Variants in AMDHD1 observed in about 807,000 individuals in gnomAD.
The protein encoded by AMDHD1 is amidohydrolase domain containing 1, also known as probable imidazolonepropionase.
AMDHD1 carries 45 observed loss-of-function variants against 44.1 expected under a neutral mutation model. That is an observed-to-expected ratio of 1.02 (90% CI 0.80 to 1.31). AMDHD1 has a LOEUF of 1.31. Among genes scored for constraint, AMDHD1 ranks in the 50% most tolerant of loss-of-function variants. AMDHD1 has a pLI of 0.00. For synonymous variants in AMDHD1, 206 were observed against 205.0 expected, an observed-to-expected ratio of 1.00 and a Z score of -0.04; for missense variants, 586 against 552.1, an observed-to-expected ratio of 1.06 and a Z score of -0.61.
chr12:95,966,614 T>TC, intron 8 of AMDHD1, 106 bp downstream of exon 8: 1 of 1,340,208 alleles, frequency 7.5e-7, no homozygotes, highest in Non-Finnish European at 1.0e-6. Context: ...CTGTCTGGAC[T>TC]CAGACACTAT....
chr12:95,964,590 T>C (rs1295986384), intron 6 of AMDHD1, among the ~76,000 whole-genome samples: 4 of 152,086 alleles, frequency 2.6e-5, no homozygotes, highest in Non-Finnish European at 4.4e-5. Flanking sequence ...CTGTCTCTGC[T>C]TCACTCACCT....
intron 1 of AMDHD1, among the ~76,000 whole-genome samples, chr12:95,949,721 T>A (rs949225499): frequency 1.3e-5 from 2 of 152,196 alleles, no homozygotes; most frequent in African/African-American, 4.8e-5. Flanking sequence ...GTATTCGGGT[T>A]TTTTCACTTA....
chr12:95,945,211 A>G (rs1052773565), intron 1 of AMDHD1, among the ~76,000 whole-genome samples: 4 of 152,192 alleles, frequency 2.6e-5, no homozygotes, highest in African/African-American at 4.8e-5. Flanking sequence ...GACATGTTCT[A>G]TGTTCACATC....
At chr12:95,966,821 G>C (rs1016335166) in intron 8 of AMDHD1, among the ~76,000 whole-genome samples, 1 of 152,180 alleles carries the variant, frequency 6.6e-6, no homozygotes, top group African/African-American at 2.4e-5. Flanking sequence ...CTCGGCTTCT[G>C]ATTTTCAACT....
At chr12:95,956,241 T>C (rs2080548927) in intron 3 of AMDHD1, among the ~76,000 whole-genome samples, 1 of 152,210 alleles carries the variant, frequency 6.6e-6, no homozygotes, top group Admixed American at 6.5e-5. Flanking sequence ...CCAGAGTAGC[T>C]GGGGCTACAG....
intron 4 of AMDHD1, 88 bp downstream of exon 4, chr12:95,957,050 G>A: frequency 6.5e-7 from 1 of 1,541,142 alleles, no homozygotes; most frequent in Non-Finnish European, 8.8e-7. Flanking sequence ...TTTAGCTCTT[G>A]CAGGGAGATG....
chr12:95,960,363 A>T (rs1180615966), intron 4 of AMDHD1, 35 bp from the exon 5 acceptor site: 15 of 1,587,464 alleles, frequency 9.4e-6, no homozygotes, highest in Non-Finnish European at 1.3e-5. Flanking sequence ...TTTGTTTTTA[A>T]TATTTGCCCA....
Position 95,960,627 on chromosome 12 carries a change from T to A in AMDHD1, c.813+4T>A, listed in dbSNP as rs1371308253. 13 of 1,609,240 alleles carry A rather than the reference T, an allele frequency of 8.1e-6. No homozygotes were observed. Among genetic ancestry groups the A allele is most frequent in the Non-Finnish European group, 1.1e-5 (13 of 1,176,890 alleles). Reference sequence around the variant, plus strand: ...CCACCCGATGAAGGCTGCTGAGGTGTGGTTGACTTTTAGTTTTTCCCTCGT... The same window carrying A: ...CCACCCGATGAAGGCTGCTGAGGTGAGGTTGACTTTTAGTTTTTCCCTCGT... On this transcript the variant is annotated splice_donor_region_variant and intron_variant, in intron 5 of 8. Coordinates refer to ENST00000266736, the MANE Select transcript of AMDHD1 (RefSeq NM_152435.3).
chr12:95,958,533 G>T (rs916358102), intron 4 of AMDHD1, among the ~76,000 whole-genome samples: 2 of 152,078 alleles, frequency 1.3e-5, no homozygotes, highest in East Asian at 1.9e-4. Context: ...TTTTCAAACA[G>T]AATATAAAGT....
intron 6 of AMDHD1, among the ~76,000 whole-genome samples, chr12:95,964,520 G>C (rs765421784): frequency 8.5e-5 from 13 of 152,216 alleles, no homozygotes; most frequent in Non-Finnish European, 1.5e-4. Context: ...TTATGGAAGG[G>C]GGGGAGGGCC....
At chr12:95,959,583 T>G (rs2080569208) in intron 4 of AMDHD1, among the ~76,000 whole-genome samples, 1 of 151,328 alleles carries the variant, frequency 6.6e-6, no homozygotes, top group East Asian at 2.0e-4. Flanking sequence ...TCCACCAGAA[T>G]TTTAGAGAGA....
intron 1 of AMDHD1, among the ~76,000 whole-genome samples, chr12:95,947,641 CCCGGCCAGCCGCCCCGT>C (rs1388776427): frequency 1.7e-5 from 1 of 58,952 alleles, no homozygotes; most frequent in Non-Finnish European, 3.0e-5. Context: ...CAGCCCCCCG[CCCGGCCAGCCGCCCCGT>C]CCGGGAGGTG....
chr12:95,946,061 C>CTG (rs56658923), intron 1 of AMDHD1, among the ~76,000 whole-genome samples: 3,528 of 122,544 alleles, frequency 0.029, 109 homozygotes, highest in African/African-American at 0.075. Context: ...CTCTTTCTCT[C>CTG]TGTGTGTGTG....
At chr12:95,949,441 C>T (rs1351046095) in intron 1 of AMDHD1, among the ~76,000 whole-genome samples, 1 of 152,144 alleles carries the variant, frequency 6.6e-6, no homozygotes, top group Non-Finnish European at 1.5e-5. Context: ...TCAGAAGACT[C>T]TGCAGAATTT....
At chr12:95,957,935 C>T (rs574006542) in intron 4 of AMDHD1, among the ~76,000 whole-genome samples, 163 of 152,254 alleles carry the variant, frequency 1.1e-3, no homozygotes, top group Admixed American at 5.5e-3. Context: ...TGCCTGTAAT[C>T]CCAGCTACTC....
intron 1 of AMDHD1, among the ~76,000 whole-genome samples, chr12:95,944,045 T>C (rs2080480521): frequency 6.6e-6 from 1 of 152,150 alleles, no homozygotes; most frequent in Non-Finnish European, 1.5e-5. Flanking sequence ...GGAGAACATT[T>C]AGACGATAAT....
At chr12:95,948,173 G>A (rs796135372) in intron 1 of AMDHD1, among the ~76,000 whole-genome samples, 5,131 of 64,182 alleles carry the variant, frequency 0.08, no homozygotes, top group South Asian at 0.12. Context: ...TGGGGGGGTC[G>A]GCCCCCCGCC....
intron 1 of AMDHD1, among the ~76,000 whole-genome samples, chr12:95,946,157 G>T (rs12582506): frequency 0.21 from 31,860 of 151,706 alleles, 3,867 homozygotes; most frequent in East Asian, 0.45. Flanking sequence ...TCATCCAGTT[G>T]ACAATTGTCC....
intron 8 of AMDHD1, 46 bp downstream of exon 8, chr12:95,966,554 T>C: frequency 6.2e-7 from 1 of 1,608,244 alleles, no homozygotes. Context: ...CCCACTGAAG[T>C]ATGCAGATGA....
Sources: gnomAD v4.1 joint callset for allele counts (sites outside exome capture counted in the v4.1 genomes callset) on GRCh38, gnomAD v4.1.1 for gene constraint, MANE v1.5 for transcripts, NCBI Gene and HGNC (gene_info 2026-07-23, HGNC 2026-07-21) for gene names.